ZC3H12C: variants seen among roughly 807,000 people sequenced by gnomAD.
ZC3H12C encodes zinc finger CCCH-type containing 12C.
ZC3H12C carries 20 observed loss-of-function variants against 76.3 expected under a neutral mutation model. The observed-to-expected ratio is 0.26, with a 90% CI of 0.18 to 0.38. ZC3H12C has a LOEUF of 0.38. Among genes scored for constraint, ZC3H12C ranks in the 10% least tolerant of loss-of-function variants. ZC3H12C has a pLI of 1.00. For synonymous variants in ZC3H12C, 352 were observed against 399.6 expected (o/e 0.88, Z 1.42); for missense variants, 874 against 1,086.5 (o/e 0.80, Z 2.75).
intron 1 of ZC3H12C, among the ~76,000 whole-genome samples, chr11:110,099,105 C>T (rs1365194832): frequency 6.6e-6 from 1 of 152,152 alleles, no homozygotes; most frequent in East Asian, 1.9e-4. Flanking sequence ...AAAAATATTT[C>T]TAACGTTGTG....
chr11:110,134,839 T>C (rs918407368), intron 1 of ZC3H12C, among the ~76,000 whole-genome samples: 1 of 151,244 alleles, frequency 6.6e-6, no homozygotes, highest in Non-Finnish European at 1.5e-5. Context: ...TAGAAGTGTG[T>C]AGGAGTTCTA....
At chr11:110,149,385 T>C (rs1218400806) in intron 2 of ZC3H12C, among the ~76,000 whole-genome samples, 1 of 152,192 alleles carries the variant, frequency 6.6e-6, no homozygotes, top group Non-Finnish European at 1.5e-5. Context: ...GTATTGAATC[T>C]AATTTCGAGT....
chr11:110,160,187 G>A (rs1862454561), intron 4 of ZC3H12C, among the ~76,000 whole-genome samples: 1 of 152,212 alleles, frequency 6.6e-6, no homozygotes. Flanking sequence ...ACCATGAATG[G>A]GGCTTGCAGG....
chr11:110,095,209 C>G (rs1388704904), intron 1 of ZC3H12C, among the ~76,000 whole-genome samples: 2 of 152,162 alleles, frequency 1.3e-5, no homozygotes, highest in Non-Finnish European at 2.9e-5. Context: ...ATGGGCTTCT[C>G]TGGAGCTAGG....
At chr11:110,100,204 A>G in intron 1 of ZC3H12C, among the ~76,000 whole-genome samples, 1 of 123,396 alleles carries the variant, frequency 8.1e-6, no homozygotes. Flanking sequence ...ATTAAAAGCT[A>G]TATGGTACTT....
At position 110,165,205 on chromosome 11, in the gene ZC3H12C, C is replaced by G; in HGVS notation, c.2120C>G (p.Ala707Gly). The G allele has an allele frequency of 1.2e-6, 2 of 1,613,966 alleles. No homozygotes were observed. The highest frequency in any genetic ancestry group is 1.7e-6 in the Non-Finnish European group (2 of 1,179,910). ...FHHKPPLPHL[A>G]LHLPHSAVGA... Reference sequence around the variant, plus strand: ...CACAAGCCTCCTCTTCCGCACCTGGCTCTGCACCTGCCGCACTCCGCTGTG... The same window carrying G: ...CACAAGCCTCCTCTTCCGCACCTGGGTCTGCACCTGCCGCACTCCGCTGTG... Residue 707 changes from alanine to glycine, a missense_variant, in exon 6 of 6, where the codon GCT becomes GGT. Physicochemically the swap from Ala to Gly is moderately conservative, Grantham distance 60 (BLOSUM62 0). Around this residue, in one of 3 missense-constraint regions of ZC3H12C, gnomAD observed 395 missense variants for 434.4 expected, o/e 0.91. Transcript: ENST00000278590.
In ZC3H12C at chr11:110,164,979, A is replaced by T. The variant is rs1442759053; in HGVS notation, c.1894A>T (p.Met632Leu). The T allele has an allele frequency of 6.2e-7, 1 of 1,614,056 alleles. No homozygotes were observed. Among genetic ancestry groups the T allele is most frequent in the Non-Finnish European group, 8.5e-7 (1 of 1,179,906 alleles). ...VASDCSSEGS[M>L]SCGSSDSYVG... is the part of the protein sequence containing the mutation. Reference sequence around the variant, plus strand: ...TTCTGACTGCAGCAGTGAAGGGAGCATGAGCTGTGGGAGCAGTGACTCCTA... The same window carrying T: ...TTCTGACTGCAGCAGTGAAGGGAGCTTGAGCTGTGGGAGCAGTGACTCCTA... The change falls in exon 6 of 6, where the codon ATG becomes TTG. Residue 632 changes from methionine (M) to leucine (L), a missense_variant. Physicochemically the swap from Met to Leu is conservative, Grantham distance 15 (BLOSUM62 2). Coordinates refer to ENST00000278590, the MANE Select transcript of ZC3H12C (RefSeq NM_033390.2). This position sits in a 1 kb window ranked among gnomAD's most constrained non-coding sequence, Gnocchi z 5.7.
intron 1 of ZC3H12C, among the ~76,000 whole-genome samples, chr11:110,121,930 T>C (rs1203201195): frequency 5.3e-5 from 8 of 152,218 alleles, no homozygotes; most frequent in Admixed American, 5.2e-4. Flanking sequence ...CACACTCTTA[T>C]GGACTCTTAA....
chr11:110,113,914 T>C (rs1861478545), intron 1 of ZC3H12C, among the ~76,000 whole-genome samples: 1 of 152,220 alleles, frequency 6.6e-6, no homozygotes, highest in African/African-American at 2.4e-5. Context: ...CCAAAACTAA[T>C]ACAGCTGGAG....
Position 110,122,926 on chromosome 11 carries a change from G to GT in ZC3H12C, c.22-13736dup, listed in dbSNP as rs551390528. On this transcript the variant is annotated intron_variant, in intron 1 of 5. Transcript: ENST00000278590. ...TCTCCTCTAGCCAGCTAACAGGCAG[G>GT]TGGGGTCTATAGTGTGGATACACTG... Among the ~76,000 whole-genome samples the GT allele has an allele frequency of 2.0e-4, 31 of 152,304 alleles. No homozygotes were observed. In the South Asian group the frequency reaches 3.7e-3, roughly 18 times the overall value.
At chr11:110,106,611 A>G (rs1261255814) in intron 1 of ZC3H12C, among the ~76,000 whole-genome samples, 1 of 152,220 alleles carries the variant, frequency 6.6e-6, no homozygotes, top group Non-Finnish European at 1.5e-5. Context: ...AGATTATTTG[A>G]TGGTATATAT....
At chr11:110,106,778 A>G (rs76040311) in intron 1 of ZC3H12C, among the ~76,000 whole-genome samples, 4,928 of 152,248 alleles carry the variant, frequency 0.032, 157 homozygotes, top group East Asian at 0.087. Context: ...TAACCCTTTA[A>G]TGTACTGTTA....
At chr11:110,127,059 C>G (rs1591470002) in intron 1 of ZC3H12C, among the ~76,000 whole-genome samples, 1 of 152,094 alleles carries the variant, frequency 6.6e-6, no homozygotes. Flanking sequence ...TTGGGACTTT[C>G]GGCGTCTGCC....
intron 2 of ZC3H12C, among the ~76,000 whole-genome samples, chr11:110,149,005 A>G (rs993647168): frequency 6.6e-6 from 1 of 152,156 alleles, no homozygotes; most frequent in Non-Finnish European, 1.5e-5. Context: ...ATCCTTCATC[A>G]TGCGTCAGTA....
chr11:110,106,365 G>A (rs1016806409), intron 1 of ZC3H12C, among the ~76,000 whole-genome samples: 1 of 152,166 alleles, frequency 6.6e-6, no homozygotes, highest in Non-Finnish European at 1.5e-5. Context: ...ACCCATCACT[G>A]TTTCCCCACA....
Position 110,164,866 on chromosome 11 carries a change from A to G in ZC3H12C, c.1781A>G (p.Asn594Ser). 3.1e-6 allele frequency: 5 copies of G among 1,613,998 alleles called. No individual in the cohort carries two copies. Among genetic ancestry groups the G allele is most frequent in the Non-Finnish European group, 4.2e-6 (5 of 1,179,900 alleles). The change falls in exon 6 of 6, where the codon AAT (asparagine) becomes AGT (serine). Residue 594 changes from asparagine (N) to serine (S), a missense_variant. Physicochemically the swap from Asn to Ser is conservative, Grantham distance 46 (BLOSUM62 1). This residue lies in a region of ZC3H12C where 395 missense variants were observed against 434.4 expected (regional missense o/e 0.91). Transcript: ENST00000278590. The surrounding 1 kb of genome is among the most constrained non-coding windows in gnomAD (Gnocchi z 5.7). Reference sequence around the variant, plus strand: ...GACATCGGATATTATTCCATGTTGAATGCATACTCAAATCTGAGTCTCTCA... The same window carrying G: ...GACATCGGATATTATTCCATGTTGAGTGCATACTCAAATCTGAGTCTCTCA... ...PVDIGYYSML[N>S]AYSNLSLSGP...
chr11:110,131,248 T>C, intron 1 of ZC3H12C: 2 of 712,628 alleles, frequency 2.8e-6, no homozygotes, highest in Non-Finnish European at 4.7e-6. Context: ...GAAAATTAAG[T>C]TATTTTTGTG....
At position 110,171,535 on chromosome 11, in the gene ZC3H12C, C is replaced by T. The variant is rs374780748; in HGVS notation, c.*5798C>T. The stretch of plus-strand genomic sequence containing the variant: ...AATGGAATCTTTACAATTCCCAAAA[C>T]GGTATTTTAGACCTACTGGAAATCT... On this transcript the variant is annotated 3_prime_UTR_variant, in exon 6 of 6. Coordinates refer to ENST00000278590, the MANE Select transcript of ZC3H12C (RefSeq NM_033390.2). 1.1e-4 allele frequency: 16 copies of T among 152,242 alleles called. No homozygotes were observed. The highest frequency in any genetic ancestry group is 2.4e-4 in the African/African-American group (10 of 41,538). 9.4% of individuals were successfully genotyped at this position (152,242 alleles called of 1,614,324 possible). A position where few individuals can be genotyped will look rare whatever the true frequency, so the allele number is the denominator to read the frequency against.
chr11:110,157,189 A>C (rs1271997288), intron 3 of ZC3H12C, among the ~76,000 whole-genome samples: 1 of 151,910 alleles, frequency 6.6e-6, no homozygotes, highest in Non-Finnish European at 1.5e-5. Context: ...AAAAAAAAAA[A>C]AAAACAGAGA....
Sources: allele counts gnomAD v4.1 joint callset (sites outside exome capture counted in the v4.1 genomes callset), GRCh38; gene constraint gnomAD v4.1.1; regional missense constraint gnomAD v4.1.1; non-coding constraint Gnocchi (gnomAD v3.1); transcripts MANE v1.5; gene names NCBI Gene and HGNC (gene_info 2026-07-23, HGNC 2026-07-21).